INSR: variants seen among roughly 807,000 people sequenced by gnomAD.
INSR encodes insulin receptor.
Under a neutral mutation model 142.6 loss-of-function variants are expected in INSR, and 67 were observed. The observed-to-expected ratio is 0.47, with a 90% CI of 0.39 to 0.58. INSR has a LOEUF of 0.58. INSR is among the 20% of genes least tolerant of loss of function. INSR has a pLI of 0.00. For missense variants in INSR, 1,248 were observed against 1,833.2 expected (o/e 0.68, Z 5.83); for synonymous variants, 756 against 743.1 (o/e 1.02, Z -0.28).
At chr19:7,287,638 G>A (rs73492876) in intron 1 of INSR, among the ~76,000 whole-genome samples, 5,015 of 152,156 alleles carry the variant, frequency 0.033, 291 homozygotes, top group African/African-American at 0.11. Flanking sequence ...GCAACATCAC[G>A]GTGATTTTTC....
At chr19:7,188,944 G>T (rs1974505715) in intron 2 of INSR, among the ~76,000 whole-genome samples, 1 of 151,242 alleles carries the variant, frequency 6.6e-6, no homozygotes, top group South Asian at 2.1e-4. Flanking sequence ...TAAGGCTGTT[G>T]CAAGAAATAA....
intron 3 of INSR, among the ~76,000 whole-genome samples, chr19:7,180,021 C>G (rs1042502343): frequency 3.3e-5 from 5 of 152,176 alleles, no homozygotes; most frequent in African/African-American, 1.2e-4. Flanking sequence ...TGGAGAGAGA[C>G]CCCCACTGAC....
At chr19:7,258,865 T>G (rs986992785) in intron 2 of INSR, among the ~76,000 whole-genome samples, 1 of 148,774 alleles carries the variant, frequency 6.7e-6, no homozygotes, top group Non-Finnish European at 1.5e-5. Context: ...GCAACACACA[T>G]GTTGGCAGGG....
chr19:7,248,047 C>T (rs897996185), intron 2 of INSR, among the ~76,000 whole-genome samples: 5 of 152,120 alleles, frequency 3.3e-5, no homozygotes, highest in Non-Finnish European at 7.4e-5. Context: ...GCCTATAATT[C>T]CAGAACTTTG....
rs1289841041 is a variant in INSR, at chr19:7,115,267, C to G, written c.*1789G>C. ...TTGATGAACCAAAGTGATGAGTTCA[C>G]TGTGTTCTTTGAGCAGCTGTGGTGG... On this transcript the variant is annotated 3_prime_UTR_variant, in exon 22 of 22. Transcript: ENST00000302850. 1.3e-5 allele frequency: 2 copies of G among 152,302 alleles called. No individual in the cohort carries two copies. Among genetic ancestry groups the G allele is most frequent in the Non-Finnish European group, 2.9e-5 (2 of 68,034 alleles). The allele number at this position is 152,302 out of a possible 1,614,324, so 9.4% of individuals were successfully genotyped here.
chr19:7,249,775 G>T (rs566416292), intron 2 of INSR, among the ~76,000 whole-genome samples: 2 of 152,064 alleles, frequency 1.3e-5, no homozygotes, highest in Admixed American at 1.3e-4. Flanking sequence ...GGTGGATCAC[G>T]AGGTCAGGAG....
intron 2 of INSR, among the ~76,000 whole-genome samples, chr19:7,224,580 G>A (rs944452107): frequency 6.6e-6 from 1 of 152,178 alleles, no homozygotes; most frequent in Admixed American, 6.5e-5. Flanking sequence ...GCCACATCTC[G>A]ACCAGAGGAA....
At chr19:7,180,494 C>T (rs1974245260) in intron 3 of INSR, among the ~76,000 whole-genome samples, 1 of 138,330 alleles carries the variant, frequency 7.2e-6, no homozygotes, top group Non-Finnish European at 1.5e-5. Context: ...GGTGCCACTG[C>T]ACTCTAGCCT....
intron 2 of INSR, among the ~76,000 whole-genome samples, chr19:7,260,833 A>T (rs191721389): frequency 6.6e-6 from 1 of 151,780 alleles, no homozygotes; most frequent in African/African-American, 2.4e-5. Context: ...TGACCAGTCA[A>T]TGGTAAAACG....
chr19:7,161,260 A>AT (rs957207449), intron 9 of INSR, among the ~76,000 whole-genome samples: 3 of 150,370 alleles, frequency 2.0e-5, no homozygotes, highest in Admixed American at 1.3e-4. Context: ...ATTTTGTATA[A>AT]TTTTTTTTAT....
chr19:7,242,243 C>T (rs1976376274), intron 2 of INSR, among the ~76,000 whole-genome samples: 1 of 151,484 alleles, frequency 6.6e-6, no homozygotes. Flanking sequence ...GTGGTGTGTT[C>T]CTGTAGCCCC....
intron 1 of INSR, chr19:7,268,762 T>C (rs1322844804): frequency 3.8e-6 from 1 of 264,264 alleles, no homozygotes; most frequent in East Asian, 1.8e-4. Flanking sequence ...TTGCTGTTGT[T>C]TATTCCCCCA....
intron 2 of INSR, among the ~76,000 whole-genome samples, chr19:7,253,745 C>T (rs982261840): frequency 3.3e-5 from 5 of 152,032 alleles, no homozygotes; most frequent in South Asian, 2.1e-4. Flanking sequence ...AATGAGCAAA[C>T]GGGCCGAGTG....
intron 13 of INSR, 106 bp from the exon 14 acceptor site, chr19:7,132,423 C>A: frequency 7.7e-7 from 1 of 1,302,610 alleles, no homozygotes; most frequent in Non-Finnish European, 1.1e-6. Context: ...AGAAATGACG[C>A]CAAGGCAGCA....
At chr19:7,271,675 C>T (rs939361566) in intron 1 of INSR, among the ~76,000 whole-genome samples, 3 of 152,110 alleles carry the variant, frequency 2.0e-5, no homozygotes, top group African/African-American at 4.8e-5. Context: ...ACTATACGTC[C>T]ACACAAAGAC....
At chr19:7,209,006 A>G (rs1224476485) in intron 2 of INSR, among the ~76,000 whole-genome samples, 1 of 151,962 alleles carries the variant, frequency 6.6e-6, no homozygotes, top group Non-Finnish European at 1.5e-5. Flanking sequence ...CATTAAAAAA[A>G]AAAATTAGCT....
At chr19:7,224,091 A>C (rs1383278366) in intron 2 of INSR, among the ~76,000 whole-genome samples, 5 of 151,766 alleles carry the variant, frequency 3.3e-5, no homozygotes, top group African/African-American at 1.2e-4. Flanking sequence ...CTACAGGCGT[A>C]CACCACCACA....
At chr19:7,137,602 ACAT>A (rs1380432229) in intron 13 of INSR, among the ~76,000 whole-genome samples, 2 of 152,050 alleles carry the variant, frequency 1.3e-5, no homozygotes, top group African/African-American at 2.4e-5. Flanking sequence ...AGCCAGGCCA[ACAT>A]GGTGAAACCT....
rs923484424 is a variant in INSR at position 7,293,291 on chromosome 19, T to C, written c.100+501A>G. The stretch of plus-strand genomic sequence containing the variant: ...GCCACGGGCCTAGATCCAAGGTAGT[T>C]GGGTAGAGGGGGGCTCTGCAGTCCC... On this transcript the variant is annotated intron_variant, in intron 1 of 21. Transcript: ENST00000302850. Among the ~76,000 whole-genome samples, 4 of 152,266 alleles carry C rather than the reference T, an allele frequency of 2.6e-5. No homozygotes were observed. In the East Asian group the frequency reaches 7.7e-4, roughly 29 times the overall value.
Sources: allele counts gnomAD v4.1 joint callset (sites outside exome capture counted in the v4.1 genomes callset), GRCh38; gene constraint gnomAD v4.1.1; transcripts MANE v1.5; gene names NCBI Gene and HGNC (gene_info 2026-07-23, HGNC 2026-07-21).